Variants in STPG1 observed in about 807,000 individuals in gnomAD.
STPG1 encodes the protein sperm tail PG-rich repeat containing 1.
Under a neutral mutation model 40.1 loss-of-function variants are expected in STPG1, and 33 were observed. The ratio of observed to expected loss-of-function variants is 0.82; its 90% CI spans 0.62 to 1.10. The LOEUF (loss-of-function observed/expected upper bound fraction) is 1.10. Among genes scored for constraint, STPG1 ranks in the 50% least tolerant of loss-of-function variants. The probability of loss-of-function intolerance (pLI) is 0.00; values close to 1 mark genes in which losing one functional copy is unlikely to be tolerated. For missense variants in STPG1, 396 were observed against 415.1 expected (o/e 0.95, Z 0.40); for synonymous variants, 150 against 155.0 (o/e 0.97, Z 0.24).
intron 1 of STPG1, chr1:24,410,722 G>A (rs1643586422): frequency 6.6e-6 from 1 of 152,412 alleles, no homozygotes; most frequent in Non-Finnish European, 1.5e-5. Flanking sequence ...CAGGATGAGA[G>A]CAGGTGCAGG....
Position 24,361,010 on chromosome 1 carries a change from G to T in STPG1, c.769C>A (p.Pro257Thr). ...KNPILNFSAQ[P>T]SPLPPKPPFP... Reference sequence around the variant, plus strand: ...GGTGGCTTCGGAGGCAGAGGCGAAGGCTGAGCAGAGAAGTTCAGGATGGGG... The same window carrying T: ...GGTGGCTTCGGAGGCAGAGGCGAAGTCTGAGCAGAGAAGTTCAGGATGGGG... The change falls in exon 8 of 9, where the codon CCT (proline) becomes ACT (threonine). Residue 257 changes from proline to threonine, a missense_variant. By Grantham distance (38) the Pro-to-Thr change is conservative. Transcript: ENST00000337248. The T allele has an allele frequency of 6.2e-7, 1 of 1,612,816 alleles. No homozygotes were observed. The highest frequency in any genetic ancestry group is 8.5e-7 in the Non-Finnish European group (1 of 1,179,440).
upstream of STPG1, chr1:24,414,368 G>GAA (rs750926198): frequency 0.22 from 31,810 of 142,134 alleles, 4,072 homozygotes; most frequent in East Asian, 0.44. Context: ...TCTAACAGAA[G>GAA]AAAAAAAAAA....
chr1:24,405,938 C>A (rs1478839478), intron 1 of STPG1, among the ~76,000 whole-genome samples: 1 of 152,062 alleles, frequency 6.6e-6, no homozygotes, highest in Non-Finnish European at 1.5e-5. Context: ...GTTTTCTTCA[C>A]ACTTCTGCTT....
intron 1 of STPG1, among the ~76,000 whole-genome samples, chr1:24,401,783 C>T (rs1643239363): frequency 6.6e-6 from 1 of 152,154 alleles, no homozygotes; most frequent in Admixed American, 6.5e-5. Context: ...ACCGCTGCCC[C>T]TGCCTGGGTT....
At chr1:24,404,097 C>T (rs1643327999) in intron 1 of STPG1, among the ~76,000 whole-genome samples, 1 of 152,078 alleles carries the variant, frequency 6.6e-6, no homozygotes, top group African/African-American at 2.4e-5. Context: ...AAAATAAAAG[C>T]TCGTTATCAC....
intron 1 of STPG1, among the ~76,000 whole-genome samples, chr1:24,404,051 T>G (rs1238783694): frequency 6.6e-6 from 1 of 152,174 alleles, no homozygotes; most frequent in African/African-American, 2.4e-5. Flanking sequence ...ATTCAGTCTT[T>G]TGGCATTAAG....
At chr1:24,363,859 G>A (rs1457673946) in intron 7 of STPG1, among the ~76,000 whole-genome samples, 3 of 152,132 alleles carry the variant, frequency 2.0e-5, no homozygotes, top group Non-Finnish European at 2.9e-5. Flanking sequence ...AGCTGTTATG[G>A]CAGGAATTGG....
chr1:24,401,263 T>G, intron 2 of STPG1, 56 bp downstream of exon 2: 1 of 1,547,236 alleles, frequency 6.5e-7, no homozygotes, highest in Non-Finnish European at 8.9e-7. Flanking sequence ...TTTGCTCTTA[T>G]GTACTAAAAT....
rs183592937 is a variant in STPG1, at chr1:24,409,314, C to T, written c.-69+4360G>A. On this transcript the variant is annotated intron_variant, in intron 1 of 8. Transcript: ENST00000337248. Reference sequence around the variant, plus strand: ...GGTCAAGGCTGCAGTAAGCTATGTTCGTGCCACTGTTCTTCAGCCTGGGTG... The same window carrying T: ...GGTCAAGGCTGCAGTAAGCTATGTTTGTGCCACTGTTCTTCAGCCTGGGTG... Among the ~76,000 whole-genome samples the T allele has an allele frequency of 9.0e-3, 1,367 of 152,274 alleles. 6 individuals carry two copies. The highest frequency in any genetic ancestry group is 0.014 in the Non-Finnish European group (946 of 68,012).
rs1557438118 is a variant in STPG1, at chr1:24,371,713, A to G, written c.572-1874T>C. Among the ~76,000 whole-genome samples the G allele has an allele frequency of 2.0e-5, 3 of 152,228 alleles. No homozygotes were observed. The South Asian group carries it at 6.2e-4, about 32-fold the overall frequency. The stretch of plus-strand genomic sequence containing the variant: ...TCTGTTTTGTATATATATTTCTACT[A>G]AAAAGGTTATAGCAACACTTGAATT... On this transcript the variant is annotated intron_variant, in intron 6 of 8. Coordinates refer to ENST00000337248, the MANE Select transcript of STPG1 (RefSeq NM_001199013.2).
chr1:24,407,443 ATT>A (rs71029547), intron 1 of STPG1, among the ~76,000 whole-genome samples: 119 of 130,860 alleles, frequency 9.1e-4, no homozygotes, highest in South Asian at 3.5e-3. Context: ...AAGTTCACTG[ATT>A]TTTTTTTTTT....
intron 5 of STPG1, among the ~76,000 whole-genome samples, chr1:24,375,821 T>G (rs1379016513): frequency 6.6e-6 from 1 of 152,188 alleles, no homozygotes; most frequent in Non-Finnish European, 1.5e-5. Flanking sequence ...GGAGCATTTT[T>G]GTATACGCTG....
At chr1:24,378,492 G>A (rs1221988530) in intron 5 of STPG1, among the ~76,000 whole-genome samples, 2 of 152,092 alleles carry the variant, frequency 1.3e-5, no homozygotes, top group African/African-American at 2.4e-5. Flanking sequence ...AAAATTAGCC[G>A]GGTGTGGTGG....
chr1:24,383,084 A>C (rs1642360039), intron 4 of STPG1, among the ~76,000 whole-genome samples: 1 of 151,636 alleles, frequency 6.6e-6, no homozygotes, highest in Non-Finnish European at 1.5e-5. Flanking sequence ...GCTAATTTTT[A>C]AATTATTTTG....
intron 4 of STPG1, among the ~76,000 whole-genome samples, chr1:24,382,109 C>T (rs902470679): frequency 2.0e-5 from 3 of 152,198 alleles, no homozygotes; most frequent in African/African-American, 7.2e-5. Flanking sequence ...GCCTGAAAGG[C>T]GTGGCTAGGT....
rs774897144 is a variant in STPG1 at position 24,379,730 on chromosome 1, A to G, written c.385T>C (p.Ser129Pro). The change falls in exon 5 of 9, where the codon TCG becomes CCG. Residue 129 changes from serine to proline, a missense_variant. Ser to Pro is a moderately conservative substitution (Grantham distance 74). Transcript: ENST00000337248. ...GGCAACTGGAACATGCTGGAACACG[A>G]ATTACTAAAGTCTCTCTTGGAAATA... is the stretch of plus-strand genomic sequence containing the variant. Reference protein sequence around the residue: ...DFISKRDFSNSCSSMFQLPSF... With the variant: ...DFISKRDFSNPCSSMFQLPSF... The G allele has an allele frequency of 4.0e-5, 64 of 1,614,074 alleles. No individual in the cohort carries two copies. Among genetic ancestry groups the G allele is most frequent in the Non-Finnish European group, 5.0e-5 (59 of 1,180,034 alleles).
chr1:24,398,025 C>T lies in STPG1; in HGVS notation c.70+3294G>A, dbSNP rs186009532. ...AAACTGTCAAACTATTTTTCATAGT[C>T]GTTGTACTTTTGCACATCCCCACTA... On this transcript the variant is annotated intron_variant, in intron 2 of 8. Transcript: ENST00000337248. 6.6e-5 allele frequency among the ~76,000 whole-genome samples: 10 copies of T among 152,166 alleles called. No homozygotes were observed. The East Asian group carries it at 1.7e-3, about 26-fold the overall frequency.
At chr1:24,395,940 G>A (rs939425121) in intron 2 of STPG1, among the ~76,000 whole-genome samples, 10 of 149,988 alleles carry the variant, frequency 6.7e-5, no homozygotes, top group Non-Finnish European at 3.0e-5. Context: ...CCAAGACTGC[G>A]CCACTGCACC....
rs1048410035 is a variant in STPG1 at position 24,359,661 on chromosome 1, C to T, written c.929-1042G>A. Among the ~76,000 whole-genome samples the T allele has an allele frequency of 2.6e-5, 4 of 152,162 alleles. No homozygotes were observed. Among genetic ancestry groups the T allele is most frequent in the African/African-American group, 9.7e-5 (4 of 41,436 alleles). On this transcript the variant is annotated intron_variant, in intron 8 of 8. Coordinates refer to ENST00000337248, the MANE Select transcript of STPG1 (RefSeq NM_001199013.2). The surrounding 1 kb of genome is among the most constrained non-coding windows in gnomAD (Gnocchi z 5.3). ...CCCAGGTCATCTTGGCTCCCTCGCACGGGAGCATCGTCAACACTCACAGAA... is the reference window on the plus strand; with the variant it reads ...CCCAGGTCATCTTGGCTCCCTCGCATGGGAGCATCGTCAACACTCACAGAA...
Sources: gnomAD v4.1 joint callset for allele counts (sites outside exome capture counted in the v4.1 genomes callset) on GRCh38, gnomAD v4.1.1 for gene constraint, Gnocchi (gnomAD v3.1) non-coding constraint, MANE v1.5 for transcripts, NCBI Gene and HGNC (gene_info 2026-07-23, HGNC 2026-07-21) for gene names.